The following SHISA9 variants were observed in gnomAD, a reference collection of about 807,000 sequenced individuals.
SHISA9 encodes protein shisa-9.
In SHISA9, 13 loss-of-function variants were observed where a neutral mutation model predicts 38.0. The observed-to-expected ratio is 0.34, with a 90% CI of 0.22 to 0.54. SHISA9 has a LOEUF of 0.54. SHISA9 is among the 20% of genes least tolerant of loss of function. The pLI is 0.91. For synonymous variants in SHISA9, 275 were observed against 242.0 expected (o/e 1.14, Z -1.27); for missense variants, 538 against 575.8 (o/e 0.93, Z 0.67).
the SHISA9 span, among the ~76,000 whole-genome samples, chr16:13,471,520 T>C: frequency 1.3e-5 from 2 of 152,068 alleles, no homozygotes; most frequent in African/African-American, 2.4e-5. Flanking sequence ...CCTTCCAAGC[T>C]GAAGTGGAAA....
At chr16:13,271,444 A>G in the SHISA9 span, among the ~76,000 whole-genome samples, 2 of 152,156 alleles carry the variant, frequency 1.3e-5, no homozygotes, top group Admixed American at 6.6e-5. Flanking sequence ...GCTTAAGGTT[A>G]TTATGACCAG....
intron 2 of SHISA9, among the ~76,000 whole-genome samples, chr16:13,173,537 G>A (rs1027293970): frequency 4.6e-5 from 7 of 152,136 alleles, no homozygotes; most frequent in African/African-American, 2.4e-5. Flanking sequence ...TAGATCAGCA[G>A]TTCTTAACTG....
At chr16:13,049,182 G>C (rs867831314) in intron 2 of SHISA9, among the ~76,000 whole-genome samples, 1 of 149,646 alleles carries the variant, frequency 6.7e-6, no homozygotes, top group Non-Finnish European at 1.5e-5. Context: ...GTGTGTGTGT[G>C]TGTGTGTGTG....
At chr16:13,336,679 C>A in the SHISA9 span, among the ~76,000 whole-genome samples, 1 of 152,184 alleles carries the variant, frequency 6.6e-6, no homozygotes, top group African/African-American at 2.4e-5. Flanking sequence ...GACCACATGT[C>A]AGGTGTGGGA....
chr16:13,301,337 A>C, the SHISA9 span, among the ~76,000 whole-genome samples: 1 of 152,212 alleles, frequency 6.6e-6, no homozygotes, highest in Admixed American at 6.5e-5. Flanking sequence ...TCTTGTTAAA[A>C]TGTAGTTTCT....
At chr16:13,272,491 G>T in the SHISA9 span, among the ~76,000 whole-genome samples, 1 of 152,048 alleles carries the variant, frequency 6.6e-6, no homozygotes, top group Non-Finnish European at 1.5e-5. Context: ...ACCTCAGAAA[G>T]TGTTGGTATT....
At chr16:13,278,834 C>T in the SHISA9 span, among the ~76,000 whole-genome samples, 1 of 151,862 alleles carries the variant, frequency 6.6e-6, no homozygotes, top group Non-Finnish European at 1.5e-5. Flanking sequence ...TGCTAATGGT[C>T]TATCAATTTT....
the SHISA9 span, among the ~76,000 whole-genome samples, chr16:13,437,560 G>A: frequency 3.3e-4 from 51 of 152,272 alleles, no homozygotes; most frequent in Non-Finnish European, 4.6e-4. Flanking sequence ...CCCAGGGCCC[G>A]TGTGTTTACC....
intron 4 of SHISA9, among the ~76,000 whole-genome samples, chr16:13,218,316 G>A (rs2051190769): frequency 6.6e-6 from 1 of 152,112 alleles, no homozygotes; most frequent in South Asian, 2.1e-4. Context: ...TTTTTAAAAT[G>A]CACCTCCTGG....
chr16:13,386,951 T>C, the SHISA9 span, among the ~76,000 whole-genome samples: 1 of 152,216 alleles, frequency 6.6e-6, no homozygotes. Flanking sequence ...ATATGAGAAA[T>C]AGAATAGCTA....
the SHISA9 span, among the ~76,000 whole-genome samples, chr16:13,292,171 A>G: frequency 6.6e-6 from 1 of 151,868 alleles, no homozygotes; most frequent in Non-Finnish European, 1.5e-5. Flanking sequence ...AAAGCCAAAG[A>G]TGACCCAAGA....
chr16:13,544,446 T>C, the SHISA9 span, among the ~76,000 whole-genome samples: 43 of 147,678 alleles, frequency 2.9e-4, 2 homozygotes, highest in Middle Eastern at 3.6e-3. Flanking sequence ...TTTTTTTTTT[T>C]TCCCCGCTGG....
intron 2 of SHISA9, among the ~76,000 whole-genome samples, chr16:12,944,458 C>T (rs2071663567): frequency 6.6e-6 from 1 of 152,182 alleles, no homozygotes; most frequent in South Asian, 2.1e-4. Flanking sequence ...TGGAAGATTG[C>T]TGAGCCCAAA....
the SHISA9 span, among the ~76,000 whole-genome samples, chr16:13,521,551 G>T: frequency 7.2e-5 from 11 of 152,312 alleles, no homozygotes; most frequent in South Asian, 2.3e-3. Flanking sequence ...ACCTGGGGAG[G>T]CTTAAGAAAT....
intron 2 of SHISA9, among the ~76,000 whole-genome samples, chr16:13,182,417 C>T (rs2050786221): frequency 6.6e-6 from 1 of 152,092 alleles, no homozygotes; most frequent in African/African-American, 2.4e-5. Context: ...TATCACTTGC[C>T]CCTTTTTATT....
intron 2 of SHISA9, among the ~76,000 whole-genome samples, chr16:13,144,235 C>T (rs1422376223): frequency 1.3e-5 from 2 of 151,476 alleles, no homozygotes; most frequent in Non-Finnish European, 2.9e-5. Context: ...TCACTGCAAC[C>T]TCTGTCTCCT....
the SHISA9 span, among the ~76,000 whole-genome samples, chr16:13,446,025 C>A: frequency 6.6e-5 from 10 of 152,238 alleles, no homozygotes; most frequent in African/African-American, 2.2e-4. Context: ...TCACCGCAGC[C>A]TCCGACTCCC....
intron 2 of SHISA9, among the ~76,000 whole-genome samples, chr16:13,152,823 C>T (rs886341137): frequency 2.0e-5 from 3 of 152,134 alleles, no homozygotes; most frequent in African/African-American, 7.2e-5. Flanking sequence ...TTGGAAACTA[C>T]ATAAATATGT....
chr16:13,344,829 C>T, the SHISA9 span, among the ~76,000 whole-genome samples: 1 of 152,124 alleles, frequency 6.6e-6, no homozygotes, highest in Non-Finnish European at 1.5e-5. Flanking sequence ...CCTCCAAATC[C>T]TATGTTCTTG....
Sources: gnomAD v4.1 joint callset for allele counts (sites outside exome capture counted in the v4.1 genomes callset) on GRCh38, gnomAD v4.1.1 for gene constraint, MANE v1.5 for transcripts, NCBI Gene and HGNC (gene_info 2026-07-23, HGNC 2026-07-21) for gene names.